Variants in CSMD3 observed in about 807,000 individuals in gnomAD.
CSMD3 encodes the protein CUB and Sushi multiple domains 3, also known as CUB and sushi domain-containing protein 3.
In CSMD3, 177 loss-of-function variants were observed where a neutral mutation model predicts 435.2. The ratio of observed to expected loss-of-function variants is 0.41; its 90% confidence interval spans 0.36 to 0.46. The LOEUF is 0.46. Among genes scored for constraint, CSMD3 ranks in the 20% least tolerant of loss-of-function variants. CSMD3 has a pLI of 0.34. For synonymous variants in CSMD3, 1,656 were observed against 1,520.5 expected, an observed-to-expected ratio of 1.09 and a Z score of -2.07; for missense variants, 4,265 against 4,504.6, an observed-to-expected ratio of 0.95 and a Z score of 1.52.
intron 56 of CSMD3, 63 bp from the exon 57 acceptor site, chr8:112,289,601 G>T: frequency 9.4e-7 from 1 of 1,064,484 alleles, no homozygotes; most frequent in Non-Finnish European, 1.4e-6. Context: ...ACCTATACCA[G>T]CATGTTTATA....
chr8:113,182,346 G>C (rs1247690075), intron 3 of CSMD3, among the ~76,000 whole-genome samples: 1 of 152,000 alleles, frequency 6.6e-6, no homozygotes, highest in African/African-American at 2.4e-5. Context: ...TGTCCAAGAT[G>C]TAGTCAAGAG....
intron 9 of CSMD3, among the ~76,000 whole-genome samples, chr8:112,940,827 C>T (rs2083429511): frequency 6.6e-6 from 1 of 151,700 alleles, no homozygotes; most frequent in African/African-American, 2.4e-5. Context: ...ATCTATAAGC[C>T]ATTTACTAAT....
Position 112,591,736 on chromosome 8 carries a change from G to C in CSMD3, c.3716-4501C>G, listed in dbSNP as rs186740116. ...TTTTCCATATGTTTAATTATTACCA[G>C]AAGAAAAATAATAATACATGATTTT... On this transcript the variant is annotated intron_variant, in intron 22 of 70. Coordinates refer to ENST00000297405, the MANE Select transcript of CSMD3 (RefSeq NM_198123.2). Among the ~76,000 whole-genome samples, 133 of 151,990 alleles carry C rather than the reference G, an allele frequency of 8.8e-4. 1 individual carries two copies. The highest frequency in any genetic ancestry group is 3.1e-3 in the African/African-American group (130 of 41,484).
At chr8:113,311,521 A>C (rs1328165459) in intron 2 of CSMD3, 1 of 152,128 alleles carries the variant, frequency 6.6e-6, no homozygotes, top group Non-Finnish European at 1.5e-5. Flanking sequence ...CAATTTCTGG[A>C]AGAAAGAGAA....
At chr8:113,265,442 A>T (rs1328870729) in intron 3 of CSMD3, among the ~76,000 whole-genome samples, 2 of 151,516 alleles carry the variant, frequency 1.3e-5, no homozygotes, top group African/African-American at 4.8e-5. Context: ...AGCTGGAGGG[A>T]TAGGTAGTTT....
intron 1 of CSMD3, among the ~76,000 whole-genome samples, chr8:113,384,278 A>G (rs953179172): frequency 2.0e-5 from 3 of 152,190 alleles, no homozygotes; most frequent in African/African-American, 7.2e-5. Context: ...TGTGTCTGAC[A>G]TTTGGAGGGC....
At position 112,747,183 on chromosome 8, in the gene CSMD3, C is replaced by CTTTTTTTTTTTTTT. The variant is rs71309787; in HGVS notation, c.1972+52965_1972+52978dup. ...TATGATTATTTGTCTGCACACTTCCCTTTTTTTTTTTTTTTTTTTTTTTTT... is the reference window on the plus strand; with the variant it reads ...TATGATTATTTGTCTGCACACTTCCCTTTTTTTTTTTTTTTTTTTTTTTTTTTTTTTTTTTTTTT... On this transcript the variant is annotated intron_variant, in intron 13 of 70. Coordinates refer to ENST00000297405, the MANE Select transcript of CSMD3 (RefSeq NM_198123.2). Among the ~76,000 whole-genome samples the CTTTTTTTTTTTTTT allele has an allele frequency of 4.1e-4, 11 of 26,950 alleles. 1 individual carries two copies. The highest frequency in any genetic ancestry group is 1.8e-3 in the African/African-American group (7 of 3,836). 17.7% of individuals were successfully genotyped at this position (26,950 alleles called of 152,430 possible). A position where few individuals can be genotyped will look rare whatever the true frequency, so the allele number is the denominator to read the frequency against.
At chr8:112,598,395 C>T (rs924288733) in intron 22 of CSMD3, among the ~76,000 whole-genome samples, 2 of 150,814 alleles carry the variant, frequency 1.3e-5, no homozygotes, top group Admixed American at 6.6e-5. Context: ...AAGAACATTC[C>T]ATGCTCATGG....
chr8:113,008,214 A>T (rs755463194), intron 6 of CSMD3, among the ~76,000 whole-genome samples: 1 of 151,864 alleles, frequency 6.6e-6, no homozygotes, highest in Non-Finnish European at 1.5e-5. Context: ...TCACAATTTT[A>T]TGTGAATTAT....
In CSMD3 at chr8:113,173,750, C is replaced by T. The variant is rs764437033; in HGVS notation, c.681G>A (p.Ser227=). The T allele has an allele frequency of 1.2e-5, 20 of 1,613,362 alleles. No individual in the cohort carries two copies. Among genetic ancestry groups the T allele is most frequent in the Admixed American group, 8.3e-5 (5 of 59,980 alleles). ...TCIANSVNTA[S]WDFPVPICRA... Reference sequence around the variant, plus strand: ...TACAGATAGGAACAGGAAAATCCCACGAAGCTGTATTAACTGAATTGGCTA... The same window carrying T: ...TACAGATAGGAACAGGAAAATCCCATGAAGCTGTATTAACTGAATTGGCTA... The change falls in exon 4 of 71, where the codon TCG becomes TCA. Residue 227 remains serine (S), a synonymous_variant. Coordinates refer to ENST00000297405, the MANE Select transcript of CSMD3 (RefSeq NM_198123.2).
intron 2 of CSMD3, among the ~76,000 whole-genome samples, chr8:113,284,420 A>C (rs1200564439): frequency 6.6e-6 from 1 of 152,132 alleles, no homozygotes; most frequent in Non-Finnish European, 1.5e-5. Flanking sequence ...TAAGAATATA[A>C]ATTTATTGTT....
chr8:113,264,453 A>C (rs2093452006), intron 3 of CSMD3, among the ~76,000 whole-genome samples: 1 of 151,166 alleles, frequency 6.6e-6, no homozygotes, highest in Non-Finnish European at 1.5e-5. Context: ...TTACATAATA[A>C]GTTTGATCAC....
At position 112,223,882 on chromosome 8, in the gene CSMD3, G is replaced by A. The variant is rs1812351452; in HGVS notation, c.*889C>T. ...TAAAATAAAGGATGGTAAGTTTGGT[G>A]TCTCAGATAACTGCAAAATAATAAT... On this transcript the variant is annotated 3_prime_UTR_variant, in exon 71 of 71. Coordinates refer to ENST00000297405, the MANE Select transcript of CSMD3 (RefSeq NM_198123.2). 1 of 152,114 alleles carries A rather than the reference G, an allele frequency of 6.6e-6. No individual in the cohort carries two copies. The highest frequency in any genetic ancestry group is 1.5e-5 in the Non-Finnish European group (1 of 68,012). 9.4% of individuals were successfully genotyped at this position (152,114 alleles called of 1,614,324 possible).
intron 3 of CSMD3, among the ~76,000 whole-genome samples, chr8:113,198,530 TA>T (rs1334203936): frequency 4.0e-5 from 6 of 151,326 alleles, no homozygotes; most frequent in Non-Finnish European, 7.4e-5. Context: ...CATTTTAAAA[TA>T]TCCTTTCTTT....
chr8:112,478,378 G>A (rs1160323004), intron 31 of CSMD3, among the ~76,000 whole-genome samples: 1 of 152,136 alleles, frequency 6.6e-6, no homozygotes. Flanking sequence ...TACATAAATG[G>A]TTGTGACAAA....
At position 112,883,910 on chromosome 8, in the gene CSMD3, G is replaced by A. The variant is rs547079406; in HGVS notation, c.1634-24644C>T. Among the ~76,000 whole-genome samples the A allele has an allele frequency of 2.0e-5, 3 of 151,988 alleles. No homozygotes were observed. In the South Asian group the frequency reaches 6.2e-4, roughly 32 times the overall value. ...TAAAACCAATGTGGAACAAGGTTGA[G>A]CACGAGTTTCTGAGCTGGCAATGTT... On this transcript the variant is annotated intron_variant, in intron 10 of 70. Transcript: ENST00000297405.
intron 10 of CSMD3, among the ~76,000 whole-genome samples, chr8:112,882,037 A>C (rs1373950717): frequency 6.6e-6 from 1 of 151,922 alleles, no homozygotes; most frequent in Admixed American, 6.6e-5. Context: ...GGTAGGTAGA[A>C]TGGTATAATT....
At chr8:112,287,367 T>C in intron 57 of CSMD3, 121 bp from the exon 58 acceptor site, 1 of 829,636 alleles carries the variant, frequency 1.2e-6, no homozygotes, top group Non-Finnish European at 2.0e-6. Flanking sequence ...ACAGATGGAG[T>C]AAAATTGTAA....
At chr8:112,931,410 A>C (rs1191020196) in intron 9 of CSMD3, among the ~76,000 whole-genome samples, 1 of 151,950 alleles carries the variant, frequency 6.6e-6, no homozygotes, top group Non-Finnish European at 1.5e-5. Context: ...GAATGAAACT[A>C]GACCTTTATT....
Sources: gnomAD v4.1 joint callset for allele counts (sites outside exome capture counted in the v4.1 genomes callset) on GRCh38, gnomAD v4.1.1 for gene constraint, MANE v1.5 for transcripts, NCBI Gene and HGNC (gene_info 2026-07-23, HGNC 2026-07-21) for gene names.